The following GAB1 variants were observed in gnomAD, a reference collection of about 807,000 sequenced individuals.
GAB1 encodes the protein GRB2-associated-binding protein 1.
A neutral mutation model predicts 66.5 loss-of-function variants in GAB1; 19 were observed. The observed-to-expected ratio is 0.29, with a 90% confidence interval of 0.20 to 0.42. GAB1 has a LOEUF of 0.42. Among genes scored for constraint, GAB1 ranks in the 10% least tolerant of loss-of-function variants. GAB1 has a pLI of 1.00. For synonymous variants in GAB1, 294 were observed against 301.4 expected, an observed-to-expected ratio of 0.98 and a Z score of 0.25; for missense variants, 732 against 858.5, an observed-to-expected ratio of 0.85 and a Z score of 1.84.
intron 2 of GAB1, among the ~76,000 whole-genome samples, chr4:143,426,842 G>A (rs1733385202): frequency 6.6e-6 from 1 of 152,162 alleles, no homozygotes; most frequent in Admixed American, 6.5e-5. Flanking sequence ...ATACATAAAG[G>A]CATTATCAAA....
At chr4:143,380,241 A>G (rs1334569758) in intron 1 of GAB1, among the ~76,000 whole-genome samples, 3 of 151,970 alleles carry the variant, frequency 2.0e-5, no homozygotes, top group African/African-American at 7.2e-5. Context: ...TCATGGTACT[A>G]TCTTTAATTT....
At chr4:143,339,508 C>A (rs764558240) in intron 1 of GAB1, among the ~76,000 whole-genome samples, 1 of 152,186 alleles carries the variant, frequency 6.6e-6, no homozygotes, top group Admixed American at 6.5e-5. Context: ...GAGACTCCGT[C>A]TCAAAAATAG....
intron 1 of GAB1, among the ~76,000 whole-genome samples, chr4:143,368,878 A>T (rs1581234801): frequency 6.6e-6 from 1 of 152,064 alleles, no homozygotes; most frequent in South Asian, 2.1e-4. Flanking sequence ...TCTGTCTCCC[A>T]GGTTCAAGCG....
intron 6 of GAB1, among the ~76,000 whole-genome samples, chr4:143,446,702 C>T (rs373694152): frequency 0.035 from 5,302 of 151,402 alleles, 148 homozygotes; most frequent in Middle Eastern, 0.085. Context: ...TAGCCCTTTG[C>T]CAGATGAGTA....
At chr4:143,358,333 A>G (rs1046088366) in intron 1 of GAB1, among the ~76,000 whole-genome samples, 1 of 152,210 alleles carries the variant, frequency 6.6e-6, no homozygotes, top group African/African-American at 2.4e-5. Flanking sequence ...AGACAAATTT[A>G]TAGGCGATTG....
At chr4:143,456,254 G>A (rs1450395961) in intron 6 of GAB1, among the ~76,000 whole-genome samples, 2 of 152,066 alleles carry the variant, frequency 1.3e-5, no homozygotes, top group African/African-American at 4.8e-5. Flanking sequence ...TCAGGAGATC[G>A]AGACCATCCT....
In GAB1 at chr4:143,443,150, G is replaced by A. The variant is rs1734331664; in HGVS notation, c.1585+2768G>A. 2.6e-5 allele frequency among the ~76,000 whole-genome samples: 4 copies of A among 151,574 alleles called. No individual in the cohort carries two copies. In the South Asian group the frequency reaches 8.3e-4, roughly 32 times the overall value. On this transcript the variant is annotated intron_variant, in intron 6 of 9. Transcript: ENST00000262994. ...TCCTGCCTCAGCTTCCCGAGTAGCT[G>A]GGACTACAGGCACCTGCCACCACGC...
intron 1 of GAB1, among the ~76,000 whole-genome samples, chr4:143,351,898 C>G (rs796454757): frequency 1.3e-5 from 2 of 152,196 alleles, no homozygotes; most frequent in African/African-American, 2.4e-5. Context: ...TTGGTTCTTA[C>G]ATTTATTTTA....
At chr4:143,451,307 C>G (rs1447048823) in intron 6 of GAB1, among the ~76,000 whole-genome samples, 2 of 151,782 alleles carry the variant, frequency 1.3e-5, no homozygotes, top group African/African-American at 4.8e-5. Flanking sequence ...TGAGACAGGC[C>G]CAGAGTCGTG....
At chr4:143,455,681 C>A (rs999743074) in intron 6 of GAB1, among the ~76,000 whole-genome samples, 9 of 152,218 alleles carry the variant, frequency 5.9e-5, no homozygotes, top group African/African-American at 2.2e-4. Flanking sequence ...CCCCAAGCCA[C>A]ATCTGTAAAT....
At chr4:143,373,154 T>C (rs1028026720) in intron 1 of GAB1, among the ~76,000 whole-genome samples, 1 of 152,208 alleles carries the variant, frequency 6.6e-6, no homozygotes, top group Non-Finnish European at 1.5e-5. Flanking sequence ...GTACAATTTA[T>C]GTACATAAAT....
At chr4:143,423,602 C>T (rs1560758977) in intron 2 of GAB1, among the ~76,000 whole-genome samples, 2 of 150,722 alleles carry the variant, frequency 1.3e-5, no homozygotes, top group Non-Finnish European at 3.0e-5. Flanking sequence ...CAGTGAAACC[C>T]CATCTCTACT....
intron 1 of GAB1, among the ~76,000 whole-genome samples, chr4:143,375,313 A>G (rs1238290707): frequency 6.6e-6 from 1 of 152,234 alleles, no homozygotes; most frequent in African/African-American, 2.4e-5. Flanking sequence ...AAAACTTGCC[A>G]ATGAAAGCTC....
At chr4:143,416,187 C>A (rs533147009) in intron 2 of GAB1, among the ~76,000 whole-genome samples, 26 of 152,182 alleles carry the variant, frequency 1.7e-4, no homozygotes, top group African/African-American at 6.0e-4. Flanking sequence ...GGGTGGATCA[C>A]GAGGTCAGGA....
chr4:143,364,916 C>G (rs1395567476), intron 1 of GAB1, among the ~76,000 whole-genome samples: 1 of 123,458 alleles, frequency 8.1e-6, no homozygotes, highest in South Asian at 2.7e-4. Context: ...CTCACTCTGT[C>G]ACCCAGGCTG....
chr4:143,463,442 G>GA (rs1245594488), intron 8 of GAB1, among the ~76,000 whole-genome samples: 1 of 151,928 alleles, frequency 6.6e-6, no homozygotes, highest in African/African-American at 2.4e-5. Context: ...GGCCAACATG[G>GA]ATAAACCCCG....
At chr4:143,413,996 AT>A (rs60609370) in intron 1 of GAB1, among the ~76,000 whole-genome samples, 1 of 151,084 alleles carries the variant, frequency 6.6e-6, no homozygotes, top group South Asian at 2.1e-4. Context: ...TAATTTTTGT[AT>A]TTTTTAGTAG....
At chr4:143,460,239 T>C in intron 7 of GAB1, 125 bp from the exon 8 acceptor site, 1 of 838,504 alleles carries the variant, frequency 1.2e-6, no homozygotes, top group Non-Finnish European at 1.9e-6. Context: ...ATGTGTACAA[T>C]GAATGATTAT....
At chr4:143,385,047 A>C (rs965726217) in intron 1 of GAB1, among the ~76,000 whole-genome samples, 1 of 152,124 alleles carries the variant, frequency 6.6e-6, no homozygotes, top group African/African-American at 2.4e-5. Context: ...AAGGGAGTTG[A>C]TTTGGGGAAA....
Sources: gnomAD v4.1 joint callset for allele counts (sites outside exome capture counted in the v4.1 genomes callset) on GRCh38, gnomAD v4.1.1 for gene constraint, MANE v1.5 for transcripts, NCBI Gene and HGNC (gene_info 2026-07-23, HGNC 2026-07-21) for gene names.